The following MAML1 variants were observed in gnomAD, a reference collection of about 807,000 sequenced individuals.
MAML1 encodes mastermind-like protein 1.
A neutral mutation model predicts 77.1 loss-of-function variants in MAML1; 14 were observed. The ratio of observed to expected loss-of-function variants is 0.18; its 90% confidence interval spans 0.12 to 0.28. The LOEUF (loss-of-function observed/expected upper bound fraction) is 0.28, where lower values mean the gene tolerates loss of function less well. MAML1 is among the 10% of genes least tolerant of loss of function. The probability of loss-of-function intolerance (pLI) is 1.00; values close to 1 mark genes in which losing one functional copy is unlikely to be tolerated. For missense variants in MAML1, 1,217 were observed against 1,327.8 expected, an observed-to-expected ratio of 0.92 and a Z score of 1.30; for synonymous variants, 516 against 551.9, an observed-to-expected ratio of 0.93 and a Z score of 0.91.
At chr5:179,756,584 C>G (rs1779625964) in intron 1 of MAML1, among the ~76,000 whole-genome samples, 1 of 151,914 alleles carries the variant, frequency 6.6e-6, no homozygotes, top group South Asian at 2.1e-4. Flanking sequence ...CCTTTATGTG[C>G]CAGGTTAAGG....
chr5:179,748,950 G>GTTTTTTT (rs71276885), intron 1 of MAML1, among the ~76,000 whole-genome samples: 4 of 107,950 alleles, frequency 3.7e-5, no homozygotes, highest in Non-Finnish European at 2.1e-5. Flanking sequence ...AGGTGTTTTT[G>GTTTTTTT]TTTTTTTTTT....
rs1554150145 is a variant in MAML1 at position 179,752,350 on chromosome 5, A to AATATATAT, written c.316-12967_316-12960dup. Reference sequence around the variant, plus strand: ...CAAAAAAAAAAAAAAAAAAAAAAAAAATATATATATATATATGGTTAAATA... The same window carrying AATATATAT: ...CAAAAAAAAAAAAAAAAAAAAAAAAAATATATATATATATATATATATATGGTTAAATA... On this transcript the variant is annotated intron_variant, in intron 1 of 4. Transcript: ENST00000292599. Among the ~76,000 whole-genome samples, 586 of 66,672 alleles carry AATATATAT rather than the reference A, an allele frequency of 8.8e-3. 7 individuals carry two copies. The highest frequency in any genetic ancestry group is 0.026 in the African/African-American group (386 of 14,772). The allele number at this position is 66,672 out of a possible 152,430, so 43.7% of individuals were successfully genotyped here.
At chr5:179,768,825 C>G (rs182088790) in intron 2 of MAML1, 25 bp from the exon 3 acceptor site, 1 of 1,612,810 alleles carries the variant, frequency 6.2e-7, no homozygotes, top group African/African-American at 1.3e-5. Context: ...TTAGAGACTT[C>G]ACAGTCCCCT....
intron 1 of MAML1, among the ~76,000 whole-genome samples, chr5:179,738,736 G>T (rs547511633): frequency 1.3e-4 from 20 of 151,678 alleles, no homozygotes; most frequent in South Asian, 1.0e-3. Flanking sequence ...CTCTGAAGTT[G>T]CCTCCGTAAA....
intron 1 of MAML1, among the ~76,000 whole-genome samples, chr5:179,733,672 C>T (rs899289918): frequency 2.0e-5 from 3 of 152,234 alleles, no homozygotes; most frequent in Admixed American, 2.0e-4. Flanking sequence ...GGAAGGCTGG[C>T]GAACGCTAAC....
chr5:179,745,016 C>G (rs1403351031), intron 1 of MAML1, among the ~76,000 whole-genome samples: 1 of 151,978 alleles, frequency 6.6e-6, no homozygotes, highest in Non-Finnish European at 1.5e-5. Context: ...ATTCTCCTGC[C>G]TCAGCCTCCC....
In MAML1 at chr5:179,733,152, C is replaced by G. The variant is rs113971242; in HGVS notation, c.40C>G (p.Pro14Ala). 1 of 1,454,612 alleles carries G rather than the reference C, an allele frequency of 6.9e-7. No homozygotes were observed. The highest frequency in any genetic ancestry group is 1.3e-5 in the South Asian group (1 of 77,902). 90.1% of individuals were successfully genotyped at this position (1,454,612 alleles called of 1,614,324 possible). A position where few individuals can be genotyped will look rare whatever the true frequency, so the allele number is the denominator to read the frequency against. ...CTGCCCCATGGCGGAGTTCGCGCTG[C>G]CGCGGCACAGCGCGGTCATGGAGCG... ...PTCPMAEFAL[P>A]RHSAVMERLR... Residue 14 changes from proline to alanine, a missense_variant, in exon 1 of 5, where the codon CCG becomes GCG. This residue lies in a region of MAML1 where 312 missense variants were observed against 331.4 expected (regional missense o/e 0.94). Coordinates refer to ENST00000292599, the MANE Select transcript of MAML1 (RefSeq NM_014757.5).
At position 179,732,964 on chromosome 5, in the gene MAML1, CCCG is replaced by C. The variant is rs878883251; in HGVS notation, c.-141_-139del. ...CGGGCCGAGCGGGGCAGGAGGAAAA[CCCG>C]CCGCCGCGCGCGAGCCCGCTCCGCT... On this transcript the variant is annotated 5_prime_UTR_variant, in exon 1 of 5. Transcript: ENST00000292599. 29 of 401,018 alleles carry C rather than the reference CCCG, an allele frequency of 7.2e-5. No individual in the cohort carries two copies. In the South Asian group the frequency reaches 2.2e-3, roughly 30 times the overall value. The allele number at this position is 401,018 out of a possible 1,614,324, so 24.8% of individuals were successfully genotyped here. A position where few individuals can be genotyped will look rare whatever the true frequency, so the allele number is the denominator to read the frequency against.
Position 179,776,742 on chromosome 5 carries a change from A to G in MAML1, c.*1865A>G. 1.0e-6 allele frequency: 1 copy of G among 985,650 alleles called. No individual in the cohort carries two copies. Among genetic ancestry groups the G allele is most frequent in the Non-Finnish European group, 1.2e-6 (1 of 829,982 alleles). The allele number at this position is 985,650 out of a possible 1,614,324, so 61.1% of individuals were successfully genotyped here. On this transcript the variant is annotated 3_prime_UTR_variant, in exon 5 of 5. Coordinates refer to ENST00000292599, the MANE Select transcript of MAML1 (RefSeq NM_014757.5). ...TGTCCCCGGGGCTCGCTGGCCCTGC[A>G]CTCCGCCTTAGTCCTGGGGCCGGCG...
Position 179,771,239 on chromosome 5 carries a change from C to G in MAML1, c.2064C>G (p.Phe688Leu). The stretch of plus-strand genomic sequence containing the variant: ...GCTTCCCACAGCAGGTTGGACAGTT[C>G]ACAGGTAGGGGGTGTCTGTGTGACG... ...QGSFPQQVGQFTGSSAAVPGM... is the reference protein window; with the variant it reads ...QGSFPQQVGQLTGSSAAVPGM... The change falls in exon 4 of 5, where the codon TTC (phenylalanine) becomes TTG (leucine). Residue 688 changes from phenylalanine (F) to leucine (L), a missense_variant. Around this residue, in one of 3 missense-constraint regions of MAML1, gnomAD observed 884 missense variants for 949.3 expected, o/e 0.93. Transcript: ENST00000292599. This position sits in a 1 kb window ranked among gnomAD's most constrained non-coding sequence, Gnocchi z 4.7. The G allele has an allele frequency of 6.2e-7, 1 of 1,614,042 alleles. No homozygotes were observed. The highest frequency in any genetic ancestry group is 1.3e-5 in the African/African-American group (1 of 75,038).
intron 1 of MAML1, among the ~76,000 whole-genome samples, chr5:179,742,301 C>T (rs181395490): frequency 0.013 from 1,935 of 151,580 alleles, 43 homozygotes; most frequent in African/African-American, 0.045. Context: ...CCAGTCTGGC[C>T]AATATGGTGA....
chr5:179,765,377 A>C lies in MAML1; in HGVS notation c.367A>C (p.Asn123His). Residue 123 changes from asparagine (N) to histidine (H), a missense_variant, in exon 2 of 5, where the codon AAT becomes CAT. Physicochemically the swap from Asn to His is moderately conservative, Grantham distance 68. Coordinates refer to ENST00000292599, the MANE Select transcript of MAML1 (RefSeq NM_014757.5). Reference sequence around the variant, plus strand: ...TCTTGACAGCGCCACTTCCCCTCAGAATGGCGATCAACAGAATGGCTACGG... The same window carrying C: ...TCTTGACAGCGCCACTTCCCCTCAGCATGGCGATCAACAGAATGGCTACGG... ...RNLDSATSPQ[N>H]GDQQNGYGDL... 1 of 1,612,342 alleles carries C rather than the reference A, an allele frequency of 6.2e-7. No individual in the cohort carries two copies. Among genetic ancestry groups the C allele is most frequent in the Non-Finnish European group, 8.5e-7 (1 of 1,179,484 alleles).
At chr5:179,765,164 G>A (rs1779793219) in intron 1 of MAML1, among the ~76,000 whole-genome samples, 162 bp from the exon 2 acceptor site, 1 of 152,060 alleles carries the variant, frequency 6.6e-6, no homozygotes, top group Non-Finnish European at 1.5e-5. Flanking sequence ...CCAGGTATAG[G>A]ACCGTCAGGG....
At chr5:179,751,099 G>A (rs1779480138) in intron 1 of MAML1, among the ~76,000 whole-genome samples, 1 of 152,052 alleles carries the variant, frequency 6.6e-6, no homozygotes, top group Admixed American at 6.6e-5. Flanking sequence ...TCAGCCTCCC[G>A]AGTAGCTGGG....
Position 179,761,397 on chromosome 5 carries a change from T to TA in MAML1, c.316-3921dup, listed in dbSNP as rs1165974782. Among the ~76,000 whole-genome samples the TA allele has an allele frequency of 4.0e-5, 6 of 150,692 alleles. No individual in the cohort carries two copies. In the East Asian group the frequency reaches 9.9e-4, roughly 25 times the overall value. On this transcript the variant is annotated intron_variant, in intron 1 of 4. Transcript: ENST00000292599. ...GGTGACAGAGTGAGACCCTGTCTCTTAAAAAAAATTAATAAAGGGCTGGGT... is the reference window on the plus strand; with the variant it reads ...GGTGACAGAGTGAGACCCTGTCTCTTAAAAAAAAATTAATAAAGGGCTGGGT...
intron 1 of MAML1, among the ~76,000 whole-genome samples, chr5:179,753,302 T>C (rs575376500): frequency 5.9e-4 from 90 of 152,300 alleles, no homozygotes; most frequent in Non-Finnish European, 1.1e-3. Context: ...ATCTGCCTTC[T>C]GATTTCACTA....
chr5:179,751,204 C>T (rs1779482673), intron 1 of MAML1, among the ~76,000 whole-genome samples: 1 of 151,838 alleles, frequency 6.6e-6, no homozygotes, highest in African/African-American at 2.4e-5. Flanking sequence ...AACTCCTGAC[C>T]TCAGGTGATC....
At chr5:179,752,158 TCTA>T (rs1779500176) in intron 1 of MAML1, among the ~76,000 whole-genome samples, 1 of 151,272 alleles carries the variant, frequency 6.6e-6, no homozygotes, top group Non-Finnish European at 1.5e-5. Context: ...AAACCCCCTC[TCTA>T]CTAAAAATAC....
chr5:179,752,350 A>AAAAAAAAAAAAATAT (rs1554150144), intron 1 of MAML1, among the ~76,000 whole-genome samples: 3 of 66,722 alleles, frequency 4.5e-5, no homozygotes, highest in African/African-American at 2.0e-4. Context: ...AAAAAAAAAA[A>AAAAAAAAAAAAATAT]ATATATATAT....
Sources: allele counts gnomAD v4.1 joint callset (sites outside exome capture counted in the v4.1 genomes callset), GRCh38; gene constraint gnomAD v4.1.1; regional missense constraint gnomAD v4.1.1; non-coding constraint Gnocchi (gnomAD v3.1); transcripts MANE v1.5; gene names NCBI Gene and HGNC (gene_info 2026-07-23, HGNC 2026-07-21).